GRM7: variants seen among roughly 807,000 people sequenced by gnomAD.
GRM7 encodes glutamate metabotropic receptor 7.
Under a neutral mutation model 84.5 loss-of-function variants are expected in GRM7, and 35 were observed. The observed-to-expected ratio is 0.41, with a 90% confidence interval of 0.32 to 0.55. The LOEUF is 0.55. GRM7 is among the 20% of genes least tolerant of loss of function. The pLI is 0.19. For missense variants in GRM7, 1,003 were observed against 1,194.6 expected (o/e 0.84, Z 2.36); for synonymous variants, 487 against 455.1 (o/e 1.07, Z -0.89).
At chr3:6,887,080 C>A (rs1695724009) in intron 1 of GRM7, among the ~76,000 whole-genome samples, 1 of 151,864 alleles carries the variant, frequency 6.6e-6, no homozygotes, top group Non-Finnish European at 1.5e-5. Flanking sequence ...ATTTGGGGAC[C>A]TTTTCACTTT....
intron 1 of GRM7, among the ~76,000 whole-genome samples, chr3:7,112,555 T>G (rs1339051807): frequency 1.3e-5 from 2 of 152,096 alleles, no homozygotes; most frequent in African/African-American, 4.8e-5. Context: ...TGCTTCACAT[T>G]TTTATATCTC....
chr3:7,594,534 G>C (rs764943521), intron 8 of GRM7, among the ~76,000 whole-genome samples: 5 of 152,134 alleles, frequency 3.3e-5, no homozygotes, highest in Non-Finnish European at 5.9e-5. Flanking sequence ...GAGTTCATTT[G>C]TTTTTCACCA....
chr3:7,644,486 T>G lies in GRM7; in HGVS notation c.2452-35563T>G, dbSNP rs539529401. On this transcript the variant is annotated intron_variant, in intron 8 of 9. Transcript: ENST00000357716. ...TGTTAGAGAGTAACATGATTTTTCT[T>G]TATTCTGTCAAGTTACTTAAATAAT... Among the ~76,000 whole-genome samples the G allele has an allele frequency of 1.2e-3, 190 of 152,322 alleles. 1 individual carries two copies. The highest frequency in any genetic ancestry group is 4.4e-3 in the African/African-American group (185 of 41,576).
intron 8 of GRM7, among the ~76,000 whole-genome samples, chr3:7,655,493 G>C (rs1478197586): frequency 1.3e-5 from 2 of 152,162 alleles, no homozygotes; most frequent in African/African-American, 4.8e-5. Flanking sequence ...TCCCAATAAG[G>C]TCACTTTCAA....
intron 4 of GRM7, among the ~76,000 whole-genome samples, chr3:7,342,154 A>G (rs1220502658): frequency 6.6e-6 from 1 of 152,112 alleles, no homozygotes; most frequent in Non-Finnish European, 1.5e-5. Flanking sequence ...GGACACTGGA[A>G]TTAATTGTTT....
intron 1 of GRM7, among the ~76,000 whole-genome samples, chr3:6,869,686 C>T (rs570167518): frequency 2.6e-4 from 40 of 151,662 alleles, no homozygotes; most frequent in Non-Finnish European, 4.4e-4. Flanking sequence ...CACACACACA[C>T]GTGCACAGAG....
At chr3:7,447,741 ATTTAT>A (rs1160183280) in intron 5 of GRM7, among the ~76,000 whole-genome samples, 4 of 147,936 alleles carry the variant, frequency 2.7e-5, no homozygotes, top group African/African-American at 4.9e-5. Flanking sequence ...TTTTTTTAAT[ATTTAT>A]TTTATTTATT....
intron 8 of GRM7, among the ~76,000 whole-genome samples, chr3:7,647,157 C>A (rs142356948): frequency 0.014 from 2,151 of 152,256 alleles, 57 homozygotes; most frequent in African/African-American, 0.05. Context: ...GGGTGTGGAC[C>A]CTCAGCCAGT....
At chr3:7,400,997 G>T (rs1420390488) in intron 4 of GRM7, among the ~76,000 whole-genome samples, 1 of 151,934 alleles carries the variant, frequency 6.6e-6, no homozygotes, top group Non-Finnish European at 1.5e-5. Context: ...GGAATCATTG[G>T]TATTGTTTTT....
chr3:7,634,466 T>C (rs1326799478), intron 8 of GRM7, among the ~76,000 whole-genome samples: 1 of 130,120 alleles, frequency 7.7e-6, no homozygotes, highest in Non-Finnish European at 1.6e-5. Context: ...AATCCAACTT[T>C]GCACTTTTTT....
chr3:6,899,260 G>T (rs1033308503), intron 1 of GRM7, among the ~76,000 whole-genome samples: 2 of 152,108 alleles, frequency 1.3e-5, no homozygotes, highest in African/African-American at 4.8e-5. Context: ...CCCAATTGAT[G>T]ACTCATTAAT....
At chr3:7,498,491 G>T (rs1699778759) in intron 7 of GRM7, among the ~76,000 whole-genome samples, 1 of 152,198 alleles carries the variant, frequency 6.6e-6, no homozygotes, top group Non-Finnish European at 1.5e-5. Context: ...TTTAGCTCTT[G>T]TGTTCTAATA....
At chr3:7,013,666 C>G (rs1232049769) in intron 1 of GRM7, among the ~76,000 whole-genome samples, 2 of 152,108 alleles carry the variant, frequency 1.3e-5, no homozygotes, top group Admixed American at 6.6e-5. Flanking sequence ...CTGTGAGTGC[C>G]TGCAGTCCCA....
chr3:7,360,777 A>T (rs1190719848), intron 4 of GRM7, among the ~76,000 whole-genome samples: 3 of 152,136 alleles, frequency 2.0e-5, no homozygotes, highest in Non-Finnish European at 2.9e-5. Context: ...TCAAAATGTG[A>T]TAAAGAATGT....
At chr3:7,604,995 G>A (rs562032049) in intron 8 of GRM7, among the ~76,000 whole-genome samples, 1 of 152,218 alleles carries the variant, frequency 6.6e-6, no homozygotes, top group South Asian at 2.1e-4. Context: ...AACAAATAAT[G>A]CAATAAAATC....
At chr3:7,505,608 G>C (rs182226940) in intron 7 of GRM7, among the ~76,000 whole-genome samples, 5 of 152,320 alleles carry the variant, frequency 3.3e-5, no homozygotes, top group Admixed American at 6.5e-5. Flanking sequence ...TGCACAATTA[G>C]AGCCACATGA....
At chr3:7,480,253 C>G (rs1232577132) in intron 7 of GRM7, among the ~76,000 whole-genome samples, 1 of 152,166 alleles carries the variant, frequency 6.6e-6, no homozygotes, top group African/African-American at 2.4e-5. Context: ...GAGTTGGGGA[C>G]TTCCTTCTCT....
At position 6,952,178 on chromosome 3, in the gene GRM7, C is replaced by T. The variant is rs78874603; in HGVS notation, c.519+90271C>T. ...TCATTCTGGTGTTCCTTCCAAGGGT[C>T]GTTAGGAAGGAACAGAATCATATTT... On this transcript the variant is annotated intron_variant, in intron 1 of 9. Transcript: ENST00000357716. 6.6e-3 allele frequency among the ~76,000 whole-genome samples: 1,011 copies of T among 152,182 alleles called. 7 individuals carry two copies. Among genetic ancestry groups the T allele is most frequent in the African/African-American group, 0.023 (943 of 41,516 alleles).
chr3:6,865,428 A>G (rs2124931373), intron 1 of GRM7, among the ~76,000 whole-genome samples: 1 of 152,288 alleles, frequency 6.6e-6, no homozygotes, highest in Middle Eastern at 3.4e-3. Context: ...CTTGAGAGCA[A>G]ACACTCCCAG....
Sources: allele counts gnomAD v4.1 joint callset (sites outside exome capture counted in the v4.1 genomes callset), GRCh38; gene constraint gnomAD v4.1.1; transcripts MANE v1.5; gene names NCBI Gene and HGNC (gene_info 2026-07-23, HGNC 2026-07-21).